Variants in CFAP97D2 observed in about 807,000 individuals in gnomAD.
The protein encoded by CFAP97D2 is CFAP97 domain containing 2, also known as uncharacterized protein CFAP97D2.
chr13:114,208,612 G>A (rs2080952171), intron 3 of CFAP97D2, among the ~76,000 whole-genome samples: 1 of 152,214 alleles, frequency 6.6e-6, no homozygotes, highest in African/African-American at 2.4e-5. Context: ...TGGTGATAAA[G>A]TCATAGGTTA....
At chr13:114,180,014 C>T (rs988096560) in intron 1 of CFAP97D2, among the ~76,000 whole-genome samples, 1 of 152,206 alleles carries the variant, frequency 6.6e-6, no homozygotes, top group Admixed American at 6.5e-5. Flanking sequence ...CCCTTGTCCC[C>T]ATTAGAAGAT....
At chr13:114,201,092 C>T (rs2080916110) in intron 3 of CFAP97D2, among the ~76,000 whole-genome samples, 2 of 152,150 alleles carry the variant, frequency 1.3e-5, no homozygotes, top group Admixed American at 1.3e-4. Context: ...TGAATATCAG[C>T]AGGCTTTCAT....
At chr13:114,210,069 TATTTTCTGC>T (rs2080960180) in intron 3 of CFAP97D2, among the ~76,000 whole-genome samples, 1 of 152,238 alleles carries the variant, frequency 6.6e-6, no homozygotes, top group South Asian at 2.1e-4. Context: ...ACTTTTTGTA[TATTTTCTGC>T]ATTTTGTATA....
intron 4 of CFAP97D2, among the ~76,000 whole-genome samples, chr13:114,214,999 T>G (rs1426434882): frequency 6.6e-6 from 1 of 152,242 alleles, no homozygotes; most frequent in African/African-American, 2.4e-5. Flanking sequence ...GATGATCATC[T>G]TAACCCATAT....
chr13:114,219,683 G>C (rs1434139383), intron 4 of CFAP97D2, among the ~76,000 whole-genome samples: 1 of 152,230 alleles, frequency 6.6e-6, no homozygotes, highest in Non-Finnish European at 1.5e-5. Flanking sequence ...GCAGGCTCTT[G>C]CAGGACACTG....
At chr13:114,191,434 AC>A (rs1184491355) in intron 1 of CFAP97D2, among the ~76,000 whole-genome samples, 2 of 152,240 alleles carry the variant, frequency 1.3e-5, no homozygotes, top group African/African-American at 4.8e-5. Flanking sequence ...AAGAAACTAA[AC>A]AATCCAATTT....
intron 4 of CFAP97D2, among the ~76,000 whole-genome samples, chr13:114,220,856 G>A (rs1594524500): frequency 6.6e-6 from 1 of 152,204 alleles, no homozygotes; most frequent in African/African-American, 2.4e-5. Flanking sequence ...GCTCAGCCTC[G>A]GGGAGCCCCA....
chr13:114,221,688 A>G (rs1486924193), intron 4 of CFAP97D2, among the ~76,000 whole-genome samples: 1 of 152,112 alleles, frequency 6.6e-6, no homozygotes, highest in Non-Finnish European at 1.5e-5. Flanking sequence ...CATTGTGCAC[A>G]TGTACCCTAG....
At chr13:114,197,839 C>T (rs2080894512) in intron 2 of CFAP97D2, among the ~76,000 whole-genome samples, 1 of 145,108 alleles carries the variant, frequency 6.9e-6, no homozygotes, top group Non-Finnish European at 1.5e-5. Flanking sequence ...CACCCACCAT[C>T]AAGCCCTGCT....
At chr13:114,193,484 C>T (rs1287497897) in intron 1 of CFAP97D2, among the ~76,000 whole-genome samples, 1 of 152,082 alleles carries the variant, frequency 6.6e-6, no homozygotes, top group East Asian at 1.9e-4. Flanking sequence ...GCTGTGTCCT[C>T]ATATGGCAGA....
chr13:114,182,382 T>C (rs1409416090), intron 1 of CFAP97D2, among the ~76,000 whole-genome samples: 1 of 152,172 alleles, frequency 6.6e-6, no homozygotes, highest in Non-Finnish European at 1.5e-5. Flanking sequence ...TCGGGTTTTA[T>C]ACCGAGACAT....
In CFAP97D2 at chr13:114,198,380, G is replaced by C. The variant is rs181602926; in HGVS notation, c.171+1904G>C. 1.7e-3 allele frequency among the ~76,000 whole-genome samples: 264 copies of C among 152,304 alleles called. 2 individuals carry two copies. Among genetic ancestry groups the C allele is most frequent in the African/African-American group, 5.8e-3 (240 of 41,566 alleles). On this transcript the variant is annotated intron_variant, in intron 2 of 4. Transcript: ENST00000646158. The stretch of plus-strand genomic sequence containing the variant: ...CCAGTCTCCAGCATATCTGCAGACC[G>C]ACCACTTGGAAGCCTAAAACAAGAG...
At chr13:114,208,267 G>T (rs1426370356) in intron 3 of CFAP97D2, among the ~76,000 whole-genome samples, 1 of 152,212 alleles carries the variant, frequency 6.6e-6, no homozygotes, top group Non-Finnish European at 1.5e-5. Context: ...CAATATCGTT[G>T]TTGCTATTAG....
At chr13:114,197,494 AG>A (rs1488044667) in intron 2 of CFAP97D2, among the ~76,000 whole-genome samples, 1 of 151,974 alleles carries the variant, frequency 6.6e-6, no homozygotes, top group Non-Finnish European at 1.5e-5. Context: ...GGCCAAGAGG[AG>A]GGGTCTGTTC....
intron 4 of CFAP97D2, among the ~76,000 whole-genome samples, chr13:114,218,615 G>A (rs1394745560): frequency 6.6e-6 from 1 of 152,154 alleles, no homozygotes; most frequent in Non-Finnish European, 1.5e-5. Flanking sequence ...CATGTTACCT[G>A]ACTTCAAACT....
rs1209831407 is a variant in CFAP97D2, at chr13:114,200,402, CA to C, written c.250del (p.Arg84GlyfsTer51). The C allele has an allele frequency of 5.0e-6, 2 of 398,590 alleles. No individual in the cohort carries two copies. The allele number at this position is 398,590 out of a possible 1,614,324, so 24.7% of individuals were successfully genotyped here. A position where few individuals can be genotyped will look rare whatever the true frequency, so the allele number is the denominator to read the frequency against. On this transcript the variant is annotated frameshift_variant, in exon 3 of 5. Coordinates refer to ENST00000646158, the Ensembl canonical transcript of CFAP97D2. LOFTEE classifies it high-confidence loss of function. ...AGAAGGTGGCCTCTGTCATGAGGAC[CA>C]GGGGACAGACTGACAGCAAAAACAA...
In CFAP97D2 at chr13:114,203,320, A is replaced by G. The variant is rs545525780; in HGVS notation, c.290+2877A>G. 2.6e-5 allele frequency among the ~76,000 whole-genome samples: 4 copies of G among 152,342 alleles called. No homozygotes were observed. Among genetic ancestry groups the G allele is most frequent in the African/African-American group, 7.2e-5 (3 of 41,576 alleles). Reference sequence around the variant, plus strand: ...ACTAAGAAAACAATTCCATACTCAAAAGTATCAAAAGAATAGGTACTTAGG... The same window carrying G: ...ACTAAGAAAACAATTCCATACTCAAGAGTATCAAAAGAATAGGTACTTAGG... On this transcript the variant is annotated intron_variant, in intron 3 of 4. Coordinates refer to ENST00000646158, the Ensembl canonical transcript of CFAP97D2. The surrounding 1 kb of genome is among the most constrained non-coding windows in gnomAD (Gnocchi z 4.3).
intron 3 of CFAP97D2, among the ~76,000 whole-genome samples, chr13:114,210,855 TACACACACACACACAC>T (rs34230424): frequency 7.6e-4 from 110 of 144,970 alleles, no homozygotes; most frequent in Non-Finnish European, 1.4e-3. Flanking sequence ...ATTTCATTGA[TACACACACACACACAC>T]ACACACACAC....
intron 1 of CFAP97D2, among the ~76,000 whole-genome samples, chr13:114,190,786 T>A (rs2080866689): frequency 6.6e-6 from 1 of 152,226 alleles, no homozygotes; most frequent in Non-Finnish European, 1.5e-5. Context: ...ATTCTGATGT[T>A]TATACGGAGA....
Sources: allele counts gnomAD v4.1 joint callset (sites outside exome capture counted in the v4.1 genomes callset), GRCh38; gene constraint gnomAD v4.1.1; non-coding constraint Gnocchi (gnomAD v3.1); transcripts MANE v1.5; gene names NCBI Gene and HGNC (gene_info 2026-07-23, HGNC 2026-07-21).